The following ACTR1B variants were observed in gnomAD, a reference collection of about 807,000 sequenced individuals.
ACTR1B encodes the protein actin related protein 1B, also known as beta-centractin.
Under a neutral mutation model 49.4 loss-of-function variants are expected in ACTR1B, and 34 were observed. The observed-to-expected ratio is 0.69, with a 90% confidence interval of 0.52 to 0.92. The LOEUF (loss-of-function observed/expected upper bound fraction) is 0.92. Ranked by LOEUF, ACTR1B falls within the 40% of genes least tolerant of loss-of-function variation. The pLI is 0.00. For missense variants in ACTR1B, 471 were observed against 522.4 expected, an observed-to-expected ratio of 0.90 and a Z score of 0.96; for synonymous variants, 207 against 207.8, an observed-to-expected ratio of 1.00 and a Z score of 0.03.
chr2:97,661,339 G>A (rs1675007282), intron 2 of ACTR1B, among the ~76,000 whole-genome samples: 1 of 152,218 alleles, frequency 6.6e-6, no homozygotes, highest in Non-Finnish European at 1.5e-5. Context: ...GTGAAGAGGT[G>A]CCCCTAAGGG....
At chr2:97,660,318 T>A (rs1483610919) in intron 3 of ACTR1B, among the ~76,000 whole-genome samples, 1 of 152,244 alleles carries the variant, frequency 6.6e-6, no homozygotes, top group Non-Finnish European at 1.5e-5. Context: ...GACTCTTATA[T>A]CACTTTTTGA....
In ACTR1B at chr2:97,659,564, TGACCAGAACCTCACCTG is replaced by T; in HGVS notation, c.190-104_190-88del. 1 of 328,526 alleles carries T rather than the reference TGACCAGAACCTCACCTG, an allele frequency of 3.0e-6. No individual in the cohort carries two copies. The allele number at this position is 328,526 out of a possible 1,614,324, so 20.4% of individuals were successfully genotyped here. A position where few individuals can be genotyped will look rare whatever the true frequency, so the allele number is the denominator to read the frequency against. On this transcript the variant is annotated intron_variant, in intron 3 of 10. Coordinates refer to ENST00000289228, the MANE Select transcript of ACTR1B (RefSeq NM_005735.4). The surrounding 1 kb of genome is among the most constrained non-coding windows in gnomAD (Gnocchi z 4.0). Reference sequence around the variant, plus strand: ...CCTGGAAGCTGACCCTCACCTGCCCTGACCAGAACCTCACCTGCCCTGACCAGAACCACCCCTGCTCA... The same window carrying T: ...CCTGGAAGCTGACCCTCACCTGCCCTCCCTGACCAGAACCACCCCTGCTCA...
rs1674933557 is a variant in ACTR1B, at chr2:97,658,899, G to A, written c.420C>T (p.Ser140=). 1.2e-6 allele frequency: 2 copies of A among 1,614,016 alleles called. No individual in the cohort carries two copies. The highest frequency in any genetic ancestry group is 2.7e-5 in the African/African-American group (2 of 74,922). ...CTCACAGACTGAGCACAGCCTGCAT[G>A]GAGATGAACAGGGCCGGCACGTTGA... is the stretch of plus-strand genomic sequence containing the variant. ...ETFNVPALFI[S]MQAVLSLYAT... Residue 140 remains serine (S), a synonymous_variant, in exon 5 of 11, where the codon TCC becomes TCT. Coordinates refer to ENST00000289228, the MANE Select transcript of ACTR1B (RefSeq NM_005735.4). This position sits in a 1 kb window ranked among gnomAD's most constrained non-coding sequence, Gnocchi z 5.9.
chr2:97,657,960 C>G lies in ACTR1B; in HGVS notation c.908G>C (p.Gly303Ala). Residue 303 changes from glycine (G) to alanine (A), a missense_variant, in exon 8 of 11, where the codon GGC (glycine) becomes GCC (alanine). Physicochemically the swap from Gly to Ala is moderately conservative, Grantham distance 60. Coordinates refer to ENST00000289228, the MANE Select transcript of ACTR1B (RefSeq NM_005735.4). Reference protein sequence around the residue: ...TLFANIVLSGGSTLFKGFGDR... With the variant: ...TLFANIVLSGASTLFKGFGDR... Reference sequence around the variant, plus strand: ...CACAGTACCTTTGAAAAGCGTTGAGCCACCTGAGAGCACGATGTTGGCGAA... The same window carrying G: ...CACAGTACCTTTGAAAAGCGTTGAGGCACCTGAGAGCACGATGTTGGCGAA... 5.0e-6 allele frequency: 8 copies of G among 1,614,094 alleles called. No homozygotes were observed. The highest frequency in any genetic ancestry group is 6.8e-6 in the Non-Finnish European group (8 of 1,179,990).
At position 97,658,593 on chromosome 2, in the gene ACTR1B, A is replaced by G; in HGVS notation, c.491T>C (p.Val164Ala). The G allele has an allele frequency of 6.2e-7, 1 of 1,613,906 alleles. No individual in the cohort carries two copies. Among genetic ancestry groups the G allele is most frequent in the Non-Finnish European group, 8.5e-7 (1 of 1,179,978 alleles). The stretch of plus-strand genomic sequence containing the variant: ...CTCATAGATGGGCACAGCATGAGTG[A>G]CCCCGTCCCCTGAGTCTAGAACCAC... ...TGVVLDSGDG[V>A]THAVPIYEGF... is the part of the protein sequence containing the mutation. Residue 164 changes from valine (V) to alanine (A), a missense_variant, in exon 6 of 11, where the codon GTC becomes GCC. Val to Ala is a moderately conservative substitution (Grantham distance 64). Transcript: ENST00000289228. The surrounding 1 kb of genome is among the most constrained non-coding windows in gnomAD (Gnocchi z 5.9).
At chr2:97,663,768 G>A (rs1327213718) in intron 1 of ACTR1B, 75 bp downstream of exon 1, 55 of 1,003,728 alleles carry the variant, frequency 5.5e-5, no homozygotes, top group Non-Finnish European at 6.9e-5. Context: ...GAGGCGGGCG[G>A]GGGTCTCTCC....
chr2:97,656,839 G>T lies in ACTR1B; in HGVS notation c.*19C>A. The T allele has an allele frequency of 6.4e-7, 1 of 1,551,254 alleles. No homozygotes were observed. Among genetic ancestry groups the T allele is most frequent in the Non-Finnish European group, 8.8e-7 (1 of 1,141,346 alleles). ...CCCCTCCCTCCCCCTCTCCCAACATGCCCCGCCCTCCTTGGGCACTAGAAA... is the reference window on the plus strand; with the variant it reads ...CCCCTCCCTCCCCCTCTCCCAACATTCCCCGCCCTCCTTGGGCACTAGAAA... On this transcript the variant is annotated 3_prime_UTR_variant, in exon 11 of 11. Coordinates refer to ENST00000289228, the MANE Select transcript of ACTR1B (RefSeq NM_005735.4).
chr2:97,660,469 A>G, intron 3 of ACTR1B, 102 bp downstream of exon 3: 1 of 1,171,952 alleles, frequency 8.5e-7, no homozygotes, highest in Non-Finnish European at 1.3e-6. Context: ...TGGAGCCTGG[A>G]GGAGGTACCC....
In ACTR1B at chr2:97,658,858, C is replaced by T. The variant is rs1674932243; in HGVS notation, c.440+21G>A. On this transcript the variant is annotated intron_variant, in intron 5 of 10. Coordinates refer to ENST00000289228, the MANE Select transcript of ACTR1B (RefSeq NM_005735.4). The surrounding 1 kb of genome is among the most constrained non-coding windows in gnomAD (Gnocchi z 5.9). ...ACAGGGAGGACAGGACTCAGGGAGG[C>T]CAGGCTTAGGGAGCACTCACAGACT... 1 of 1,613,748 alleles carries T rather than the reference C, an allele frequency of 6.2e-7. No homozygotes were observed. Among genetic ancestry groups the T allele is most frequent in the Non-Finnish European group, 8.5e-7 (1 of 1,179,962 alleles).
At position 97,663,849 on chromosome 2, in the gene ACTR1B, G is replaced by A. The variant is rs1242145969; in HGVS notation, c.42C>T (p.Ile14=). 3 of 1,418,450 alleles carry A rather than the reference G, an allele frequency of 2.1e-6. No individual in the cohort carries two copies. Among genetic ancestry groups the A allele is most frequent in the Admixed American group, 2.3e-5 (1 of 43,710 alleles). The allele number at this position is 1,418,450 out of a possible 1,614,324, so 87.9% of individuals were successfully genotyped here. A position where few individuals can be genotyped will look rare whatever the true frequency, so the allele number is the denominator to read the frequency against. Residue 14 remains isoleucine, a synonymous_variant, in exon 1 of 11, where the codon ATC becomes ATT. Transcript: ENST00000289228. ...YDIIANQPVV[I]DNGSGVIKAG... ...CCTGGCTGCCGGGCCTCACGTTGTC[G>A]ATGACCACAGGCTGGTTGGCGATGA... is the stretch of plus-strand genomic sequence containing the variant.
Position 97,658,073 on chromosome 2 carries a change from C to A in ACTR1B, c.795G>T (p.Pro265=). The A allele has an allele frequency of 6.2e-7, 1 of 1,614,118 alleles. No individual in the cohort carries two copies. The highest frequency in any genetic ancestry group is 8.5e-7 in the Non-Finnish European group (1 of 1,180,024). Reference sequence around the variant, plus strand: ...CCTCACTCTCATCCCCGACAAGGTCCGGCTGGAACAGCAGCTCGGGGGCCC... The same window carrying A: ...CCTCACTCTCATCCCCGACAAGGTCAGGCTGGAACAGCAGCTCGGGGGCCC... The part of the protein sequence containing the change: ...RFRAPELLFQ[P]DLVGDESEGL... The change falls in exon 8 of 11, where the codon CCG becomes CCT. Residue 265 remains proline (P), a synonymous_variant. Coordinates refer to ENST00000289228, the MANE Select transcript of ACTR1B (RefSeq NM_005735.4). The surrounding 1 kb of genome is among the most constrained non-coding windows in gnomAD (Gnocchi z 5.9).
chr2:97,659,556 ACCTGC>A lies in ACTR1B; in HGVS notation c.190-84_190-80del, dbSNP rs1468627548. 2.9e-6 allele frequency: 1 copy of A among 345,218 alleles called. No homozygotes were observed. Among genetic ancestry groups the A allele is most frequent in the East Asian group, 4.0e-5 (1 of 24,918 alleles). The allele number at this position is 345,218 out of a possible 1,614,324, so 21.4% of individuals were successfully genotyped here. Reference sequence around the variant, plus strand: ...TCCGCCCTCCTGGAAGCTGACCCTCACCTGCCCTGACCAGAACCTCACCTGCCCTG... The same window carrying A: ...TCCGCCCTCCTGGAAGCTGACCCTCACCTGACCAGAACCTCACCTGCCCTG... On this transcript the variant is annotated intron_variant, in intron 3 of 10. Transcript: ENST00000289228. This position sits in a 1 kb window ranked among gnomAD's most constrained non-coding sequence, Gnocchi z 4.0.
Position 97,656,694 on chromosome 2 carries a change from G to A in ACTR1B, c.*164C>T. The stretch of plus-strand genomic sequence containing the variant: ...AATGTTACTTGTGTGTGCATGTCCT[G>A]TGTAGAGGGGAAGGCTGCAGGGGGG... On this transcript the variant is annotated 3_prime_UTR_variant, in exon 11 of 11. Coordinates refer to ENST00000289228, the MANE Select transcript of ACTR1B (RefSeq NM_005735.4). 1.6e-6 allele frequency: 1 copy of A among 631,820 alleles called. No homozygotes were observed. Among genetic ancestry groups the A allele is most frequent in the Non-Finnish European group, 2.8e-6 (1 of 353,582 alleles). 39.1% of individuals were successfully genotyped at this position (631,820 alleles called of 1,614,324 possible).
At position 97,659,051 on chromosome 2, in the gene ACTR1B, G is replaced by A; in HGVS notation, c.316-48C>T. On this transcript the variant is annotated intron_variant, in intron 4 of 10. Transcript: ENST00000289228. The surrounding 1 kb of genome is among the most constrained non-coding windows in gnomAD (Gnocchi z 4.0). ...AGGCATCAGAGGAGGCAACTTGCAAGGCCCTAAAAGGCTCTTTCCAGAGAA... is the reference window on the plus strand; with the variant it reads ...AGGCATCAGAGGAGGCAACTTGCAAAGCCCTAAAAGGCTCTTTCCAGAGAA... 1 of 1,611,114 alleles carries A rather than the reference G, an allele frequency of 6.2e-7. No homozygotes were observed. Among genetic ancestry groups the A allele is most frequent in the African/African-American group, 1.3e-5 (1 of 75,008 alleles).
chr2:97,663,852 G>T lies in ACTR1B; in HGVS notation c.39C>A (p.Val13=). ...SYDIIANQPV[V]IDNGSGVIKA... is the part of the protein sequence containing the mutation. ...GGCTGCCGGGCCTCACGTTGTCGAT[G>T]ACCACAGGCTGGTTGGCGATGATGT... Residue 13 remains valine (V), a synonymous_variant, in exon 1 of 11, where the codon GTC becomes GTA. Coordinates refer to ENST00000289228, the MANE Select transcript of ACTR1B (RefSeq NM_005735.4). 1 of 1,404,206 alleles carries T rather than the reference G, an allele frequency of 7.1e-7. No homozygotes were observed. Among genetic ancestry groups the T allele is most frequent in the South Asian group, 1.4e-5 (1 of 71,564 alleles). 87.0% of individuals were successfully genotyped at this position (1,404,206 alleles called of 1,614,324 possible).
Position 97,659,700 on chromosome 2 carries a change from C to T in ACTR1B, c.190-223G>A. On this transcript the variant is annotated intron_variant, in intron 3 of 10. Coordinates refer to ENST00000289228, the MANE Select transcript of ACTR1B (RefSeq NM_005735.4). This position sits in a 1 kb window ranked among gnomAD's most constrained non-coding sequence, Gnocchi z 4.0. ...GCTCTTAGAGCCCAGCTAGCTTCAGCTGGGGGGATCAGAGAGGGTGGCAGT... is the reference window on the plus strand; with the variant it reads ...GCTCTTAGAGCCCAGCTAGCTTCAGTTGGGGGGATCAGAGAGGGTGGCAGT... 1 of 613,102 alleles carries T rather than the reference C, an allele frequency of 1.6e-6. No homozygotes were observed. The highest frequency in any genetic ancestry group is 2.8e-6 in the Non-Finnish European group (1 of 353,532). The allele number at this position is 613,102 out of a possible 1,614,324, so 38.0% of individuals were successfully genotyped here. A position where few individuals can be genotyped will look rare whatever the true frequency, so the allele number is the denominator to read the frequency against.
At chr2:97,661,812 G>T in intron 2 of ACTR1B, 70 bp downstream of exon 2, 1 of 1,488,552 alleles carries the variant, frequency 6.7e-7, no homozygotes, top group Non-Finnish European at 9.2e-7. Flanking sequence ...AAAGAGCCCT[G>T]TGACAGAAGG....
intron 3 of ACTR1B, 141 bp downstream of exon 3, chr2:97,660,430 G>A: frequency 1.3e-6 from 1 of 756,320 alleles, no homozygotes; most frequent in South Asian, 1.7e-5. Flanking sequence ...CATCTCAGGG[G>A]GAGGTGCCCC....
Position 97,656,920 on chromosome 2 carries a change from A to T in ACTR1B, c.1069T>A (p.Trp357Arg), listed in dbSNP as rs149017256. Residue 357 changes from tryptophan to arginine, a missense_variant, in exon 11 of 11, where the codon TGG (tryptophan) becomes AGG (arginine). Coordinates refer to ENST00000289228, the MANE Select transcript of ACTR1B (RefSeq NM_005735.4). The stretch of plus-strand genomic sequence containing the variant: ...TCTTCATACTCCTTTTTGGACACCC[A>T]CATCTTCTTAAAAGTGTCCAGCGAG... ...LASLDTFKKM[W>R]VSKKEYEEDG... 7 of 1,595,752 alleles carry T rather than the reference A, an allele frequency of 4.4e-6. No homozygotes were observed. The highest frequency in any genetic ancestry group is 5.1e-6 in the Non-Finnish European group (6 of 1,171,138).
Sources: allele counts gnomAD v4.1 joint callset (sites outside exome capture counted in the v4.1 genomes callset), GRCh38; gene constraint gnomAD v4.1.1; non-coding constraint Gnocchi (gnomAD v3.1); transcripts MANE v1.5; gene names NCBI Gene and HGNC (gene_info 2026-07-23, HGNC 2026-07-21).